The following TUSC3 variants were observed in gnomAD, a reference collection of about 807,000 sequenced individuals.
TUSC3 encodes tumor suppressor candidate 3.
In TUSC3, 45 loss-of-function variants were observed where a neutral mutation model predicts 44.8. That is an observed-to-expected ratio of 1.00 (90% confidence interval 0.79 to 1.29). The LOEUF is 1.29. Among genes scored for constraint, TUSC3 ranks in the 50% most tolerant of loss-of-function variants. The pLI, the probability that TUSC3 is intolerant of heterozygous loss-of-function variation, is 0.00. For synonymous variants in TUSC3, 212 were observed against 152.9 expected (o/e 1.39, Z -2.85); for missense variants, 519 against 437.9 (o/e 1.19, Z -1.65).
At chr8:15,798,345 A>G in the TUSC3 span, among the ~76,000 whole-genome samples, 1 of 152,188 alleles carries the variant, frequency 6.6e-6, no homozygotes, top group Non-Finnish European at 1.5e-5. Context: ...CTAAGTGCCC[A>G]TATCCAAAAA....
At chr8:15,439,149 A>T (rs1397827626) in intron 1 of TUSC3, among the ~76,000 whole-genome samples, 1 of 152,154 alleles carries the variant, frequency 6.6e-6, no homozygotes, top group Non-Finnish European at 1.5e-5. Context: ...ACCTTCACCC[A>T]TTTCCCTCTG....
intron 1 of TUSC3, among the ~76,000 whole-genome samples, chr8:15,443,309 C>G (rs906374255): frequency 3.3e-5 from 5 of 149,384 alleles, no homozygotes; most frequent in African/African-American, 1.2e-4. Context: ...GCTGGGACTA[C>G]AGGTATACAA....
At chr8:15,600,895 A>G (rs1363496643) in intron 1 of TUSC3, among the ~76,000 whole-genome samples, 1 of 151,716 alleles carries the variant, frequency 6.6e-6, no homozygotes, top group Admixed American at 6.6e-5. Flanking sequence ...TGGTGAACCC[A>G]AATTGCATAA....
At chr8:15,802,524 T>A in the TUSC3 span, among the ~76,000 whole-genome samples, 1 of 152,078 alleles carries the variant, frequency 6.6e-6, no homozygotes, top group South Asian at 2.1e-4. Flanking sequence ...CGGGTTCAAG[T>A]GATTCTCCTG....
the TUSC3 span, among the ~76,000 whole-genome samples, chr8:15,771,806 A>G: frequency 6.6e-6 from 1 of 152,022 alleles, no homozygotes; most frequent in Non-Finnish European, 1.5e-5. Flanking sequence ...AAAAGAAGAA[A>G]GGCCGGGCAC....
intron 1 of TUSC3, among the ~76,000 whole-genome samples, chr8:15,447,305 C>T (rs1448676046): frequency 6.6e-6 from 1 of 152,056 alleles, no homozygotes; most frequent in South Asian, 2.1e-4. Flanking sequence ...AACGTTATAA[C>T]TCAATTAATT....
Position 15,559,260 on chromosome 8 carries a change from A to G in TUSC3, c.138+18692A>G, listed in dbSNP as rs571059038. Among the ~76,000 whole-genome samples the G allele has an allele frequency of 1.8e-3, 253 of 140,740 alleles. 10 individuals are homozygous for G. Among genetic ancestry groups the G allele is most frequent in the Non-Finnish European group, 3.2e-3 (206 of 63,586 alleles). 92.3% of individuals were successfully genotyped at this position (140,740 alleles called of 152,430 possible). A position where few individuals can be genotyped will look rare whatever the true frequency, so the allele number is the denominator to read the frequency against. Reference sequence around the variant, plus strand: ...TATTTCTGCCTTCATTTTGTTATGTACCCAGTAGTCATTCAGGAGCAGGTT... The same window carrying G: ...TATTTCTGCCTTCATTTTGTTATGTGCCCAGTAGTCATTCAGGAGCAGGTT... On this transcript the variant is annotated intron_variant, in intron 1 of 10. Transcript: ENST00000503731.
intron 3 of TUSC3, among the ~76,000 whole-genome samples, chr8:15,659,043 A>C (rs1011703284): frequency 5.3e-5 from 8 of 152,152 alleles, no homozygotes; most frequent in Non-Finnish European, 5.9e-5. Context: ...TGTAATAGGG[A>C]ATTCAATCTA....
chr8:15,722,748 AAAAC>A (rs370309620), intron 6 of TUSC3, among the ~76,000 whole-genome samples: 3 of 152,182 alleles, frequency 2.0e-5, no homozygotes, highest in Non-Finnish European at 2.9e-5. Context: ...TTTTTGTTAA[AAAAC>A]AAACAAATCA....
At chr8:15,504,750 T>A (rs187951447) in intron 2 of TUSC3, among the ~76,000 whole-genome samples, 1 of 149,456 alleles carries the variant, frequency 6.7e-6, no homozygotes, top group Admixed American at 6.7e-5. Flanking sequence ...CCTCCTGGGT[T>A]CAAGCGATTC....
rs574303737 is a variant in TUSC3, at chr8:15,434,163, T to G, written n.91+16858T>G. 2.6e-5 allele frequency among the ~76,000 whole-genome samples: 4 copies of G among 152,318 alleles called. No individual in the cohort carries two copies. The South Asian group carries it at 8.3e-4, about 32-fold the overall frequency. On this transcript the variant is annotated intron_variant and non_coding_transcript_variant, in intron 1 of 5. Coordinates refer to the TUSC3 transcript ENST00000503191. ...CTTTAGCCATTCTAGTGGTGTGTAATGGTACTTCATGGTAGCTGTAATTTT... is the reference window on the plus strand; with the variant it reads ...CTTTAGCCATTCTAGTGGTGTGTAAGGGTACTTCATGGTAGCTGTAATTTT...
intron 6 of TUSC3, among the ~76,000 whole-genome samples, chr8:15,729,421 T>C (rs1810624279): frequency 6.6e-6 from 1 of 152,142 alleles, no homozygotes; most frequent in South Asian, 2.1e-4. Flanking sequence ...TTTCTAAGTC[T>C]CAGTTTCCTC....
intron 1 of TUSC3, among the ~76,000 whole-genome samples, chr8:15,600,851 C>T (rs1041935039): frequency 6.6e-6 from 1 of 151,642 alleles, no homozygotes; most frequent in African/African-American, 2.4e-5. Flanking sequence ...GTTAAATGTG[C>T]TATCAGTGTA....
chr8:15,498,353 C>G (rs1362552010), intron 2 of TUSC3, among the ~76,000 whole-genome samples: 1 of 152,022 alleles, frequency 6.6e-6, no homozygotes, highest in Non-Finnish European at 1.5e-5. Context: ...AGTGCAAAAG[C>G]TGAAAGTGAA....
rs560016956 is a variant in TUSC3 at position 15,573,852 on chromosome 8, C to T, written c.138+33284C>T. On this transcript the variant is annotated intron_variant, in intron 1 of 10. Coordinates refer to ENST00000503731, the MANE Select transcript of TUSC3 (RefSeq NM_006765.4). ...GAAATGTCATGGAGAATTGTTTCGTCAGAACATGTCATATTGCAACTTTCC... is the reference window on the plus strand; with the variant it reads ...GAAATGTCATGGAGAATTGTTTCGTTAGAACATGTCATATTGCAACTTTCC... Among the ~76,000 whole-genome samples the T allele has an allele frequency of 2.6e-5, 4 of 151,956 alleles. No individual in the cohort carries two copies. In the East Asian group the frequency reaches 7.8e-4, roughly 30 times the overall value.
chr8:15,840,390 T>G, the TUSC3 span, among the ~76,000 whole-genome samples: 1 of 151,286 alleles, frequency 6.6e-6, no homozygotes, highest in Non-Finnish European at 1.5e-5. Flanking sequence ...AAAAAATAAA[T>G]CAATAAATAA....
chr8:15,492,654 A>T (rs1192929653), intron 2 of TUSC3, among the ~76,000 whole-genome samples: 50 of 152,208 alleles, frequency 3.3e-4, no homozygotes, highest in Non-Finnish European at 5.6e-4. Context: ...GTCACGTAAC[A>T]GGCTGGGCAC....
chr8:15,702,900 T>C (rs982202937), intron 6 of TUSC3, among the ~76,000 whole-genome samples: 1 of 152,122 alleles, frequency 6.6e-6, no homozygotes, highest in African/African-American at 2.4e-5. Flanking sequence ...TTGACAGTGA[T>C]TGAGAGTTTC....
At chr8:15,806,655 C>A in the TUSC3 span, 1 of 1,184,112 alleles carries the variant, frequency 8.4e-7, no homozygotes, top group Non-Finnish European at 1.3e-6. Context: ...TCTGGTGAGA[C>A]AAGCTGCCCA....
Sources: allele counts gnomAD v4.1 joint callset (sites outside exome capture counted in the v4.1 genomes callset), GRCh38; gene constraint gnomAD v4.1.1; transcripts MANE v1.5; gene names NCBI Gene and HGNC (gene_info 2026-07-23, HGNC 2026-07-21).